RPTOR: variants seen among roughly 807,000 people sequenced by gnomAD.
RPTOR encodes the protein regulatory associated protein of MTOR complex 1, also known as regulatory-associated protein of mTOR.
RPTOR carries 21 observed loss-of-function variants against 169.9 expected under a neutral mutation model. The observed-to-expected ratio is 0.12, with a 90% CI of 0.09 to 0.18. The LOEUF (loss-of-function observed/expected upper bound fraction) is 0.18, where lower values mean the gene tolerates loss of function less well. RPTOR is among the 10% of genes least tolerant of loss of function. The pLI is 1.00. For synonymous variants in RPTOR, 732 were observed against 753.2 expected, an observed-to-expected ratio of 0.97 and a Z score of 0.46; for missense variants, 1,133 against 1,855.9, an observed-to-expected ratio of 0.61 and a Z score of 7.16.
At chr17:80,938,621 C>T (rs141596727) in intron 24 of RPTOR, among the ~76,000 whole-genome samples, 351 of 152,254 alleles carry the variant, frequency 2.3e-3, no homozygotes, top group African/African-American at 7.7e-3. Context: ...AGAAAATGTG[C>T]GGAGGGAGCC....
intron 1 of RPTOR, among the ~76,000 whole-genome samples, chr17:80,613,062 ATGAAGGCCCCCC>A (rs1364950083): frequency 1.3e-5 from 2 of 152,170 alleles, no homozygotes; most frequent in African/African-American, 4.8e-5. Flanking sequence ...CTCCTGTAAG[ATGAAGGCCCCCC>A]TGCCCTGGTG....
intron 21 of RPTOR, among the ~76,000 whole-genome samples, chr17:80,910,206 G>A (rs1054242470): frequency 6.6e-6 from 1 of 152,112 alleles, no homozygotes; most frequent in African/African-American, 2.4e-5. Context: ...TGGGCTCCCC[G>A]TCTCTGCACT....
At chr17:80,843,555 CA>C (rs1353431609) in intron 10 of RPTOR, among the ~76,000 whole-genome samples, 2 of 151,916 alleles carry the variant, frequency 1.3e-5, no homozygotes, top group African/African-American at 2.4e-5. Context: ...AGCAGCCGTA[CA>C]GGGGGATAGA....
rs1026053397 is a variant in RPTOR, at chr17:80,665,834, C to T, written c.348+22024C>T. Among the ~76,000 whole-genome samples, 7 of 152,114 alleles carry T rather than the reference C, an allele frequency of 4.6e-5. 1 individual carries two copies. Among genetic ancestry groups the T allele is most frequent in the African/African-American group, 7.2e-5 (3 of 41,418 alleles). On this transcript the variant is annotated intron_variant, in intron 3 of 33. Transcript: ENST00000306801. Reference sequence around the variant, plus strand: ...CTGGGATTACAGGCGTGAGCCACCGCGCCCGGCCCCCCAAAAATTTTTCTT... The same window carrying T: ...CTGGGATTACAGGCGTGAGCCACCGTGCCCGGCCCCCCAAAAATTTTTCTT...
intron 3 of RPTOR, among the ~76,000 whole-genome samples, chr17:80,687,407 A>G (rs1249945852): frequency 1.3e-5 from 2 of 152,238 alleles, no homozygotes; most frequent in African/African-American, 4.8e-5. Flanking sequence ...GTCCACAAGG[A>G]ACCACTGTCT....
At chr17:80,781,766 A>G (rs546008738) in intron 6 of RPTOR, among the ~76,000 whole-genome samples, 1 of 152,354 alleles carries the variant, frequency 6.6e-6, no homozygotes, top group African/African-American at 2.4e-5. Flanking sequence ...GGCAAGAGAA[A>G]TTAATGTCTG....
intron 13 of RPTOR, among the ~76,000 whole-genome samples, chr17:80,873,602 C>T (rs1331303577): frequency 6.6e-6 from 1 of 152,154 alleles, no homozygotes; most frequent in African/African-American, 2.4e-5. Context: ...GGGGACAGGG[C>T]CCCAGGCGGA....
chr17:80,961,602 T>A (rs756676171), intron 31 of RPTOR, 122 bp downstream of exon 31: 2 of 1,118,128 alleles, frequency 1.8e-6, no homozygotes, highest in Non-Finnish European at 1.3e-6. Context: ...AGTAATTAAC[T>A]CCTGCCCTGG....
chr17:80,807,607 T>C (rs1009976720), intron 7 of RPTOR, among the ~76,000 whole-genome samples: 9 of 152,142 alleles, frequency 5.9e-5, no homozygotes, highest in Non-Finnish European at 1.2e-4. Context: ...CCACCTTGGC[T>C]TCCCAAAGGG....
At chr17:80,595,467 C>G (rs1342017301) in intron 1 of RPTOR, among the ~76,000 whole-genome samples, 2 of 152,166 alleles carry the variant, frequency 1.3e-5, no homozygotes, top group African/African-American at 4.8e-5. Context: ...GGGTTTTTCC[C>G]CCCCCTTAGA....
intron 10 of RPTOR, among the ~76,000 whole-genome samples, chr17:80,839,065 CTT>C (rs992337096): frequency 2.0e-5 from 3 of 152,238 alleles, no homozygotes; most frequent in South Asian, 2.1e-4. Flanking sequence ...ACTGCACAGA[CTT>C]TTAACTTTCA....
chr17:80,914,478 C>T (rs7212558), intron 21 of RPTOR, among the ~76,000 whole-genome samples: 73,611 of 152,054 alleles, frequency 0.48, 18,299 homozygotes, highest in Non-Finnish European at 0.53. Context: ...TGCAGCCACC[C>T]GGCATGGCTC....
In RPTOR at chr17:80,964,450, A is replaced by G; in HGVS notation, c.*120A>G. 1 of 964,580 alleles carries G rather than the reference A, an allele frequency of 1.0e-6. No homozygotes were observed. The highest frequency in any genetic ancestry group is 1.6e-6 in the Non-Finnish European group (1 of 615,560). 59.8% of individuals were successfully genotyped at this position (964,580 alleles called of 1,614,324 possible). ...CAGTGTGAACGTTGGCTGCTGCCTT[A>G]GCTGCTGATGACGGCAGGAGGGCCC... On this transcript the variant is annotated 3_prime_UTR_variant, in exon 34 of 34. Coordinates refer to ENST00000306801, the MANE Select transcript of RPTOR (RefSeq NM_020761.3).
intron 10 of RPTOR, 133 bp downstream of exon 10, chr17:80,838,130 A>G (rs2067585523): frequency 1.5e-6 from 1 of 663,694 alleles, no homozygotes; most frequent in Non-Finnish European, 2.6e-6. Flanking sequence ...CTGCCTGGAA[A>G]AAATGTAGTT....
At chr17:80,596,446 G>A (rs1259718832) in intron 1 of RPTOR, among the ~76,000 whole-genome samples, 1 of 151,952 alleles carries the variant, frequency 6.6e-6, no homozygotes, top group South Asian at 2.1e-4. Context: ...GTTTATCTTA[G>A]TGGTGGGTCC....
chr17:80,873,764 C>G (rs2068076044), intron 13 of RPTOR, among the ~76,000 whole-genome samples: 1 of 152,262 alleles, frequency 6.6e-6, no homozygotes, highest in Admixed American at 6.5e-5. Context: ...CACTGTCACA[C>G]TGCTGGGTTA....
At position 80,944,063 on chromosome 17, in the gene RPTOR, G is replaced by A. The variant is rs531874794; in HGVS notation, c.3026-1604G>A. 5.9e-5 allele frequency among the ~76,000 whole-genome samples: 9 copies of A among 152,282 alleles called. 1 individual carries two copies. In the South Asian group the frequency reaches 1.5e-3, roughly 25 times the overall value. On this transcript the variant is annotated intron_variant, in intron 25 of 33. Transcript: ENST00000306801. ...CAGGATGTGTTGGAATCCATCTTGC[G>A]CCCTCTGCATTTTTAGCTTCCTTTT...
chr17:80,951,251 G>A lies in RPTOR; in HGVS notation c.3370+1704G>A, dbSNP rs151075025. 3.6e-4 allele frequency among the ~76,000 whole-genome samples: 55 copies of A among 152,324 alleles called. 1 individual carries two copies. Among genetic ancestry groups the A allele is most frequent in the African/African-American group, 1.3e-3 (52 of 41,564 alleles). ...CATCCACACATCCACACCGGGCCAC[G>A]CTGCAGGAAACAAGACTTGGTGGCC... On this transcript the variant is annotated intron_variant, in intron 28 of 33. Transcript: ENST00000306801.
At chr17:80,837,870 G>C (rs768597931) in intron 9 of RPTOR, 52 bp from the exon 10 acceptor site, 39 of 1,546,758 alleles carry the variant, frequency 2.5e-5, no homozygotes, top group Non-Finnish European at 3.3e-5. Flanking sequence ...AAGTGGCCTC[G>C]TGTGGAAGCC....
Sources: allele counts gnomAD v4.1 joint callset (sites outside exome capture counted in the v4.1 genomes callset), GRCh38; gene constraint gnomAD v4.1.1; transcripts MANE v1.5; gene names NCBI Gene and HGNC (gene_info 2026-07-23, HGNC 2026-07-21).